The following PCDHGA2 variants were observed in gnomAD, a reference collection of about 807,000 sequenced individuals.
The protein encoded by PCDHGA2 is protocadherin gamma-A2.
In PCDHGA2, 40 loss-of-function variants were observed where a neutral mutation model predicts 59.2. The ratio of observed to expected loss-of-function variants is 0.68; its 90% CI spans 0.52 to 0.88. The LOEUF (loss-of-function observed/expected upper bound fraction) is 0.88, where lower values mean the gene tolerates loss of function less well. Among genes scored for constraint, PCDHGA2 ranks in the 40% least tolerant of loss-of-function variants. The pLI is 0.00. For missense variants in PCDHGA2, 1,226 were observed against 1,204.0 expected (o/e 1.02, Z -0.27); for synonymous variants, 560 against 526.0 (o/e 1.06, Z -0.89).
chr5:141,498,390 T>C (rs2099783500), intron 2 of PCDHGA2, among the ~76,000 whole-genome samples: 1 of 151,982 alleles, frequency 6.6e-6, no homozygotes, highest in Non-Finnish European at 1.5e-5. Context: ...ATCAAGGGAA[T>C]GGCAGGGAGT....
chr5:141,404,828 G>T, intron 1 of PCDHGA2: 1 of 1,609,938 alleles, frequency 6.2e-7, no homozygotes, highest in Non-Finnish European at 8.5e-7. Flanking sequence ...CACAGGTGAA[G>T]TGCGCACAGC....
rs768383792 is a variant in PCDHGA2 at position 141,476,155 on chromosome 5, C to A, written c.2425-18652C>A. 1.2e-6 allele frequency: 2 copies of A among 1,612,382 alleles called. No homozygotes were observed. Among genetic ancestry groups the A allele is most frequent in the Non-Finnish European group, 1.7e-6 (2 of 1,179,764 alleles). On this transcript the variant is annotated intron_variant, in intron 1 of 3. Coordinates refer to ENST00000394576, the MANE Select transcript of PCDHGA2 (RefSeq NM_018915.4). This position sits in a 1 kb window ranked among gnomAD's most constrained non-coding sequence, Gnocchi z 7.6. ...CCTGGAGGAGCGGACTGGTAAGCAC[C>A]GGGAGGGTAGTGGGAGTTTTGCTTC... is the stretch of plus-strand genomic sequence containing the variant.
At chr5:141,442,754 T>C (rs2098341364) in intron 1 of PCDHGA2, among the ~76,000 whole-genome samples, 1 of 152,220 alleles carries the variant, frequency 6.6e-6, no homozygotes, top group Non-Finnish European at 1.5e-5. Flanking sequence ...GTTTTGATTA[T>C]ATATATTTGT....
intron 1 of PCDHGA2, among the ~76,000 whole-genome samples, chr5:141,470,448 T>C (rs1384666661): frequency 6.6e-6 from 1 of 152,192 alleles, no homozygotes. Flanking sequence ...TTTAATAGCA[T>C]CTTGAATAGG....
At chr5:141,389,681 C>G in intron 1 of PCDHGA2, 5 of 1,612,438 alleles carry the variant, frequency 3.1e-6, no homozygotes, top group Non-Finnish European at 4.2e-6. Context: ...CAGGACACAA[C>G]GCCTGGCTGT....
At chr5:141,471,786 A>G (rs1043196530) in intron 1 of PCDHGA2, among the ~76,000 whole-genome samples, 6 of 152,244 alleles carry the variant, frequency 3.9e-5, no homozygotes, top group African/African-American at 1.4e-4. Flanking sequence ...ACATTATGCT[A>G]TGTCATATAA....
chr5:141,346,477 T>A, intron 1 of PCDHGA2: 1 of 1,613,658 alleles, frequency 6.2e-7, no homozygotes, highest in Non-Finnish European at 8.5e-7. Flanking sequence ...TTTATTTCTT[T>A]GATTATTAAG....
chr5:141,455,448 C>T (rs1403500578), intron 1 of PCDHGA2, among the ~76,000 whole-genome samples: 1 of 152,112 alleles, frequency 6.6e-6, no homozygotes, highest in African/African-American at 2.4e-5. Context: ...CCATCTACCG[C>T]GGATACCAGC....
chr5:141,427,798 T>A, intron 1 of PCDHGA2: 1 of 1,506,550 alleles, frequency 6.6e-7, no homozygotes. Context: ...TACGTGTCCG[T>A]GAGCGCACAG....
rs764067454 is a variant in PCDHGA2 at position 141,413,998 on chromosome 5, G to C, written c.2424+72603G>C. On this transcript the variant is annotated intron_variant, in intron 1 of 3. Coordinates refer to ENST00000394576, the MANE Select transcript of PCDHGA2 (RefSeq NM_018915.4). Reference sequence around the variant, plus strand: ...GACAGTCACAGCCACCGACAGGGACGAAGGTGCCAATGGAGAAGTGACATA... The same window carrying C: ...GACAGTCACAGCCACCGACAGGGACCAAGGTGCCAATGGAGAAGTGACATA... 29 of 1,613,320 alleles carry C rather than the reference G, an allele frequency of 1.8e-5. No individual in the cohort carries two copies. The Admixed American group carries it at 4.8e-4, about 27-fold the overall frequency.
intron 1 of PCDHGA2, chr5:141,384,327 A>G (rs750339599): frequency 2.7e-5 from 43 of 1,613,860 alleles, no homozygotes; most frequent in Non-Finnish European, 3.1e-5. Flanking sequence ...TAGTGACTGC[A>G]CAGGACCACG....
intron 1 of PCDHGA2, among the ~76,000 whole-genome samples, chr5:141,382,034 G>A (rs574726397): frequency 6.6e-5 from 10 of 151,712 alleles, no homozygotes; most frequent in African/African-American, 2.4e-4. Flanking sequence ...TCTCCATGTT[G>A]GTCAGGCTGG....
intron 1 of PCDHGA2, chr5:141,423,674 C>A (rs57195665): frequency 0.087 from 131,432 of 1,514,090 alleles, 6,254 homozygotes; most frequent in East Asian, 0.14. Flanking sequence ...AGATTTATTT[C>A]TCTGCCTCCT....
intron 1 of PCDHGA2, among the ~76,000 whole-genome samples, chr5:141,359,198 A>G (rs1350534068): frequency 1.3e-5 from 2 of 152,176 alleles, no homozygotes; most frequent in Non-Finnish European, 2.9e-5. Flanking sequence ...ATAACAAGTG[A>G]ATGTTGAGAG....
rs773729429 is a variant in PCDHGA2, at chr5:141,491,406, C to T, written c.2425-3401C>T. ...CGAAGTGCCTTCAGGGAAACGCAGA[C>T]GGGGACGGGGGTGGAGGGCAGTGCT... On this transcript the variant is annotated intron_variant, in intron 1 of 3. Transcript: ENST00000394576. The surrounding 1 kb of genome is among the most constrained non-coding windows in gnomAD (Gnocchi z 6.9). The T allele has an allele frequency of 1.2e-6, 2 of 1,614,096 alleles. No homozygotes were observed. The highest frequency in any genetic ancestry group is 1.7e-6 in the Non-Finnish European group (2 of 1,179,990).
chr5:141,371,887 C>A (rs372336757), intron 1 of PCDHGA2: 2 of 1,613,424 alleles, frequency 1.2e-6, no homozygotes, highest in Non-Finnish European at 1.7e-6. Flanking sequence ...GACCTGGAGC[C>A]GCGGGAGCTG....
chr5:141,419,878 G>T (rs1342215231), intron 1 of PCDHGA2: 1 of 1,613,942 alleles, frequency 6.2e-7, no homozygotes, highest in African/African-American at 1.3e-5. Context: ...AGGTACTGCC[G>T]GATTTCAGCG....
At chr5:141,422,301 G>A (rs777697738) in intron 1 of PCDHGA2, 36 of 1,549,184 alleles carry the variant, frequency 2.3e-5, no homozygotes, top group Non-Finnish European at 3.1e-5. Flanking sequence ...ATTCAATTCT[G>A]GAAAACTCTC....
intron 1 of PCDHGA2, among the ~76,000 whole-genome samples, chr5:141,358,807 T>C (rs1761028443): frequency 6.6e-6 from 1 of 152,244 alleles, no homozygotes; most frequent in African/African-American, 2.4e-5. Flanking sequence ...CTGATATGAT[T>C]TACGCTGCTT....
Sources: allele counts gnomAD v4.1 joint callset (sites outside exome capture counted in the v4.1 genomes callset), GRCh38; gene constraint gnomAD v4.1.1; non-coding constraint Gnocchi (gnomAD v3.1); transcripts MANE v1.5; gene names NCBI Gene and HGNC (gene_info 2026-07-23, HGNC 2026-07-21).